Variants in CRIM1 observed in about 807,000 individuals in gnomAD.
CRIM1 encodes cysteine-rich motor neuron 1 protein.
CRIM1 carries 32 observed loss-of-function variants against 116.4 expected under a neutral mutation model. The observed-to-expected ratio is 0.27, with a 90% CI of 0.21 to 0.37. The LOEUF (loss-of-function observed/expected upper bound fraction) is 0.37, where lower values mean the gene tolerates loss of function less well. Among genes scored for constraint, CRIM1 ranks in the 10% least tolerant of loss-of-function variants. The pLI, the probability that CRIM1 is intolerant of heterozygous loss-of-function variation, is 1.00. For synonymous variants in CRIM1, 590 were observed against 509.2 expected (o/e 1.16, Z -2.13); for missense variants, 1,331 against 1,354.8 (o/e 0.98, Z 0.28).
intron 2 of CRIM1, among the ~76,000 whole-genome samples, chr2:36,435,339 T>G (rs1210062387): frequency 1.3e-5 from 2 of 151,808 alleles, no homozygotes; most frequent in Non-Finnish European, 2.9e-5. Flanking sequence ...ACTGTGTGTG[T>G]GTGTGTGTGT....
Position 36,479,614 on chromosome 2 carries a change from G to A in CRIM1, c.1292G>A (p.Arg431His), listed in dbSNP as rs899467815. The A allele has an allele frequency of 1.6e-5, 26 of 1,614,100 alleles. No individual in the cohort carries two copies. Among genetic ancestry groups the A allele is most frequent in the Non-Finnish European group, 2.0e-5 (24 of 1,180,044 alleles). ...TTCTGCCAGTGCGTCAACGGTGAAC[G>A]CCACTGCGTTGCGACCGTCTGCGGA... is the stretch of plus-strand genomic sequence containing the variant. ...CTFCQCVNGE[R>H]HCVATVCGQT... is the part of the protein sequence containing the mutation. Residue 431 changes from arginine to histidine, a missense_variant, in exon 7 of 17, where the codon CGC (arginine) becomes CAC (histidine). Physicochemically the swap from Arg to His is conservative, Grantham distance 29 (BLOSUM62 0). Coordinates refer to ENST00000280527, the MANE Select transcript of CRIM1 (RefSeq NM_016441.3).
rs1669474002 is a variant in CRIM1, at chr2:36,364,746, T to G, written c.331+8123T>G. 2.0e-5 allele frequency among the ~76,000 whole-genome samples: 3 copies of G among 152,320 alleles called. No individual in the cohort carries two copies. In the South Asian group the frequency reaches 6.2e-4, roughly 32 times the overall value. ...GCTTCAGTTCCCTCATCTGTGAAAC[T>G]GGAATATTAATAGCTTTCTATTAAG... On this transcript the variant is annotated intron_variant, in intron 1 of 16. Coordinates refer to ENST00000280527, the MANE Select transcript of CRIM1 (RefSeq NM_016441.3).
intron 1 of CRIM1, among the ~76,000 whole-genome samples, chr2:36,377,675 G>C (rs1399761463): frequency 6.6e-6 from 1 of 152,154 alleles, no homozygotes; most frequent in Non-Finnish European, 1.5e-5. Flanking sequence ...CATTGTCATT[G>C]TATCTTTGTA....
At chr2:36,467,207 G>A (rs1186833227) in intron 5 of CRIM1, among the ~76,000 whole-genome samples, 2 of 152,194 alleles carry the variant, frequency 1.3e-5, no homozygotes, top group African/African-American at 2.4e-5. Flanking sequence ...AACTTGTTGA[G>A]TGATCTTTGC....
chr2:36,366,200 CT>C (rs1000173908), intron 1 of CRIM1, among the ~76,000 whole-genome samples: 3 of 151,812 alleles, frequency 2.0e-5, no homozygotes, highest in Non-Finnish European at 2.9e-5. Context: ...TGGTTTACAA[CT>C]TTTTTTTTCC....
At chr2:36,393,605 G>A (rs1355241160) in intron 1 of CRIM1, among the ~76,000 whole-genome samples, 1 of 152,156 alleles carries the variant, frequency 6.6e-6, no homozygotes, top group Non-Finnish European at 1.5e-5. Context: ...ACAGGTCTGT[G>A]CAGATGTTTG....
At chr2:36,543,973 T>TAACA (rs1271132297) in intron 14 of CRIM1, among the ~76,000 whole-genome samples, 2 of 152,188 alleles carry the variant, frequency 1.3e-5, no homozygotes, top group East Asian at 1.9e-4. Flanking sequence ...CAAGTTTTGC[T>TAACA]AACATATTTT....
At chr2:36,390,444 C>T (rs1671485406) in intron 1 of CRIM1, among the ~76,000 whole-genome samples, 1 of 152,192 alleles carries the variant, frequency 6.6e-6, no homozygotes, top group Admixed American at 6.5e-5. Flanking sequence ...TTGCAGCCCT[C>T]CACACTCCGA....
chr2:36,410,302 G>A (rs1424762313), intron 2 of CRIM1, among the ~76,000 whole-genome samples: 1 of 151,924 alleles, frequency 6.6e-6, no homozygotes, highest in Non-Finnish European at 1.5e-5. Flanking sequence ...CAAATGAAGT[G>A]CTTTATCCTT....
In CRIM1 at chr2:36,479,666, G is replaced by A; in HGVS notation, c.1344G>A (p.Val448=). Residue 448 remains valine, a synonymous_variant, in exon 7 of 17, where the codon GTG becomes GTA. Transcript: ENST00000280527. ...CGQTCTNPVK[V]PGECCPVCEE... is the part of the protein sequence containing the mutation. ...AGACCTGCACAAACCCTGTGAAAGT[G>A]CCTGGGGAGTGTTGCCCTGTGTGCG... The A allele has an allele frequency of 6.2e-7, 1 of 1,614,202 alleles. No homozygotes were observed.
intron 5 of CRIM1, among the ~76,000 whole-genome samples, chr2:36,473,071 C>A (rs925410122): frequency 1.3e-5 from 2 of 152,206 alleles, no homozygotes; most frequent in Admixed American, 6.5e-5. Flanking sequence ...CTTTAAGTTT[C>A]ATCTTCATTA....
At chr2:36,411,203 C>A (rs558324320) in intron 2 of CRIM1, among the ~76,000 whole-genome samples, 1 of 152,106 alleles carries the variant, frequency 6.6e-6, no homozygotes, top group Non-Finnish European at 1.5e-5. Context: ...TAACTTATTT[C>A]TGTTTCATCT....
chr2:36,370,774 A>G (rs1218733990), intron 1 of CRIM1, among the ~76,000 whole-genome samples: 4 of 152,128 alleles, frequency 2.6e-5, no homozygotes, highest in African/African-American at 9.7e-5. Flanking sequence ...TTAAGAAGGA[A>G]CAGTGAACTT....
intron 5 of CRIM1, among the ~76,000 whole-genome samples, chr2:36,471,869 C>T (rs1436771573): frequency 6.6e-6 from 1 of 152,150 alleles, no homozygotes; most frequent in Non-Finnish European, 1.5e-5. Context: ...GTAAACATAA[C>T]TTTTAAATGC....
chr2:36,391,489 C>T lies in CRIM1; in HGVS notation c.332-5125C>T, dbSNP rs79206769. On this transcript the variant is annotated intron_variant, in intron 1 of 16. Transcript: ENST00000280527. ...AAAATCACATGAGAACCAGCAGAAC[C>T]GCTGTATTATACTGACACCATTTTC... is the stretch of plus-strand genomic sequence containing the variant. Among the ~76,000 whole-genome samples the T allele has an allele frequency of 1.1e-3, 170 of 152,152 alleles. 1 individual carries two copies. Among genetic ancestry groups the T allele is most frequent in the East Asian group, 2.5e-3 (13 of 5,182 alleles).
In CRIM1 at chr2:36,550,020, GAT is replaced by G. The variant is rs1491147876; in HGVS notation, c.*1320_*1321del. 11 of 151,350 alleles carry G rather than the reference GAT, an allele frequency of 7.3e-5. No individual in the cohort carries two copies. The highest frequency in any genetic ancestry group is 2.2e-4 in the African/African-American group (9 of 40,748). 9.4% of individuals were successfully genotyped at this position (151,350 alleles called of 1,614,324 possible). A position where few individuals can be genotyped will look rare whatever the true frequency, so the allele number is the denominator to read the frequency against. ...ATTCTACCTGCAGTTTAATTGGAAA[GAT>G]GTGTGTGTGAGAGTATGTATGTGTG... is the stretch of plus-strand genomic sequence containing the variant. On this transcript the variant is annotated 3_prime_UTR_variant, in exon 17 of 17. Coordinates refer to ENST00000280527, the MANE Select transcript of CRIM1 (RefSeq NM_016441.3).
At chr2:36,487,211 T>C (rs776402190) in intron 7 of CRIM1, among the ~76,000 whole-genome samples, 28 of 152,220 alleles carry the variant, frequency 1.8e-4, no homozygotes, top group African/African-American at 5.8e-4. Flanking sequence ...AAGGAATTCA[T>C]TGGACTCAAC....
chr2:36,509,878 T>G, intron 8 of CRIM1, 105 bp from the exon 9 acceptor site: 1 of 989,308 alleles, frequency 1.0e-6, no homozygotes, highest in East Asian at 2.4e-5. Context: ...AGCTGAGAAA[T>G]TGAGATCTGT....
chr2:36,461,672 T>C (rs895935035), intron 4 of CRIM1, among the ~76,000 whole-genome samples: 2 of 152,230 alleles, frequency 1.3e-5, no homozygotes, highest in African/African-American at 2.4e-5. Flanking sequence ...ATGGGACTCA[T>C]ATCATTTGTA....
Sources: allele counts gnomAD v4.1 joint callset (sites outside exome capture counted in the v4.1 genomes callset), GRCh38; gene constraint gnomAD v4.1.1; transcripts MANE v1.5; gene names NCBI Gene and HGNC (gene_info 2026-07-23, HGNC 2026-07-21).